Variants in MED13L observed in about 807,000 individuals in gnomAD.
MED13L encodes mediator complex subunit 13L.
MED13L carries 7 observed loss-of-function variants against 220.9 expected under a neutral mutation model. The observed-to-expected ratio is 0.03, with a 90% CI of 0.02 to 0.06. MED13L has a LOEUF of 0.06. Among genes scored for constraint, MED13L ranks in the 10% least tolerant of loss-of-function variants. The pLI is 1.00. For missense variants in MED13L, 1,965 were observed against 2,760.5 expected (o/e 0.71, Z 6.46); for synonymous variants, 1,011 against 1,015.2 (o/e 1.00, Z 0.08).
chr12:115,970,964 T>C (rs542529077), intron 26 of MED13L, among the ~76,000 whole-genome samples, 194 bp from the exon 27 acceptor site: 1 of 152,314 alleles, frequency 6.6e-6, no homozygotes, highest in African/African-American at 2.4e-5. Context: ...TAACCCAAGT[T>C]TCATTTCATA....
intron 2 of MED13L, among the ~76,000 whole-genome samples, chr12:116,234,428 C>T (rs1032941817): frequency 4.6e-5 from 7 of 151,976 alleles, no homozygotes; most frequent in African/African-American, 1.7e-4. Context: ...GGGGGTTTCA[C>T]TATGTTGGCC....
chr12:116,117,385 T>C (rs1445374602), intron 2 of MED13L, among the ~76,000 whole-genome samples: 1 of 152,146 alleles, frequency 6.6e-6, no homozygotes, highest in East Asian at 1.9e-4. Flanking sequence ...CATACATTTG[T>C]GCAAACGCGC....
At chr12:116,171,684 T>A (rs1173357754) in intron 2 of MED13L, among the ~76,000 whole-genome samples, 1 of 152,168 alleles carries the variant, frequency 6.6e-6, no homozygotes, top group Non-Finnish European at 1.5e-5. Flanking sequence ...ACTGAAACCA[T>A]TAATTTTCCT....
intron 2 of MED13L, among the ~76,000 whole-genome samples, chr12:116,153,185 A>G (rs564793701): frequency 6.6e-6 from 1 of 152,330 alleles, no homozygotes; most frequent in African/African-American, 2.4e-5. Context: ...TACTATCCAC[A>G]TTAGTGCTGG....
chr12:115,981,454 G>A (rs1434449469), intron 22 of MED13L, among the ~76,000 whole-genome samples: 1 of 152,094 alleles, frequency 6.6e-6, no homozygotes, highest in Non-Finnish European at 1.5e-5. Flanking sequence ...CCAAACATCC[G>A]AAGCATTGTT....
chr12:116,218,898 TA>T (rs944874433), intron 2 of MED13L, among the ~76,000 whole-genome samples: 9 of 152,108 alleles, frequency 5.9e-5, no homozygotes, highest in African/African-American at 2.2e-4. Context: ...CACACCTGGC[TA>T]ATTTTTTTTG....
chr12:115,972,150 C>G lies in MED13L; in HGVS notation c.5818G>C (p.Ala1940Pro). Residue 1940 changes from alanine (A) to proline (P), a missense_variant, in exon 26 of 31, where the codon GCA becomes CCA. By Grantham distance (27) the Ala-to-Pro change is conservative (BLOSUM62 -1). Around this residue, in one of 10 missense-constraint regions of MED13L, gnomAD observed 23 missense variants for 20.4 expected, o/e 1.12. Coordinates refer to ENST00000281928, the MANE Select transcript of MED13L (RefSeq NM_015335.5). ...GCACTAAGGATAGAAGGAGAGTCTG[C>G]GGCAGAGATTCCACACATCCGGCAC... ...DVCRMCGISA[A>P]DSPSILSACL... 6.2e-7 allele frequency: 1 copy of G among 1,613,960 alleles called. No individual in the cohort carries two copies. Among genetic ancestry groups the G allele is most frequent in the Non-Finnish European group, 8.5e-7 (1 of 1,179,902 alleles).
At chr12:116,133,483 T>C (rs1876259527) in intron 2 of MED13L, among the ~76,000 whole-genome samples, 1 of 152,184 alleles carries the variant, frequency 6.6e-6, no homozygotes, top group South Asian at 2.1e-4. Context: ...CAGAAGCTGG[T>C]CTTAACGGGC....
intron 2 of MED13L, among the ~76,000 whole-genome samples, chr12:116,150,825 C>T (rs61935822): frequency 0.064 from 9,671 of 152,250 alleles, 401 homozygotes; most frequent in Middle Eastern, 0.11. Flanking sequence ...TATGGTACTT[C>T]AGGGGTGTGT....
At chr12:116,148,072 AAAG>A (rs1206870409) in intron 2 of MED13L, among the ~76,000 whole-genome samples, 10 of 129,666 alleles carry the variant, frequency 7.7e-5, no homozygotes, top group African/African-American at 2.8e-4. Flanking sequence ...AAAAAAAAAA[AAAG>A]AGGGGGGCGG....
At chr12:115,972,046 G>A (rs781643803) in intron 26 of MED13L, 32 bp downstream of exon 26, 8 of 1,610,358 alleles carry the variant, frequency 5.0e-6, no homozygotes, top group Non-Finnish European at 6.8e-6. Flanking sequence ...GATGTGATAT[G>A]TAATTAATGA....
intron 2 of MED13L, among the ~76,000 whole-genome samples, chr12:116,170,724 C>T (rs1879622742): frequency 1.3e-5 from 2 of 151,702 alleles, no homozygotes; most frequent in African/African-American, 4.8e-5. Flanking sequence ...CCTAAGCCTC[C>T]TGAGTAGCTG....
intron 1 of MED13L, among the ~76,000 whole-genome samples, chr12:116,263,231 C>A (rs922811166): frequency 6.6e-6 from 1 of 151,770 alleles, no homozygotes; most frequent in African/African-American, 2.4e-5. Context: ...TACATCACAA[C>A]GCTTTCTGAC....
rs1455021385 is a variant in MED13L at position 116,031,743 on chromosome 12, AAGAAAAGAAAAGAAAAGAAG to A, written c.480-9162_480-9143del. Among the ~76,000 whole-genome samples the A allele has an allele frequency of 3.2e-4, 17 of 53,520 alleles. 1 individual carries two copies. The highest frequency in any genetic ancestry group is 1.9e-3 in the African/African-American group (14 of 7,434). The allele number at this position is 53,520 out of a possible 152,430, so 35.1% of individuals were successfully genotyped here. A position where few individuals can be genotyped will look rare whatever the true frequency, so the allele number is the denominator to read the frequency against. On this transcript the variant is annotated intron_variant, in intron 4 of 30. Coordinates refer to ENST00000281928, the MANE Select transcript of MED13L (RefSeq NM_015335.5). The stretch of plus-strand genomic sequence containing the variant: ...AAGAAAAGAAAAGAAAAGAAAAGAA[AAGAAAAGAAAAGAAAAGAAG>A]GAAGGAAGGAAGGAAGGAAGGAAGG...
rs765954704 is a variant in MED13L, at chr12:115,991,697, G to A, written c.3257C>T (p.Pro1086Leu). Reference sequence around the variant, plus strand: ...AGAGTTGAGGGGCCGTGTAGTAGAGGGGGTGGAGGCTGGTGATCCTTGATC... The same window carrying A: ...AGAGTTGAGGGGCCGTGTAGTAGAGAGGGTGGAGGCTGGTGATCCTTGATC... ...STDQGSPAST[P>L]STTRPLNSVE... Residue 1086 changes from proline to leucine, a missense_variant, in exon 17 of 31, where the codon CCC (proline) becomes CTC (leucine). By Grantham distance (98) the Pro-to-Leu change is moderately conservative. This residue lies in a region of MED13L where 233 missense variants were observed against 306.2 expected (regional missense o/e 0.76). Coordinates refer to ENST00000281928, the MANE Select transcript of MED13L (RefSeq NM_015335.5). This position sits in a 1 kb window ranked among gnomAD's most constrained non-coding sequence, Gnocchi z 7.7. 1.2e-6 allele frequency: 2 copies of A among 1,613,938 alleles called. No homozygotes were observed.
At chr12:116,195,561 C>G (rs1032407869) in intron 2 of MED13L, among the ~76,000 whole-genome samples, 2 of 152,064 alleles carry the variant, frequency 1.3e-5, no homozygotes, top group Non-Finnish European at 1.5e-5. Context: ...AAGCGATTCT[C>G]CTGCCTCAGC....
At position 116,239,479 on chromosome 12, in the gene MED13L, T is replaced by C. The variant is rs554111638; in HGVS notation, c.73-1774A>G. Among the ~76,000 whole-genome samples, 10 of 152,340 alleles carry C rather than the reference T, an allele frequency of 6.6e-5. No homozygotes were observed. In the East Asian group the frequency reaches 1.7e-3, roughly 26 times the overall value. On this transcript the variant is annotated intron_variant, in intron 1 of 30. Coordinates refer to ENST00000281928, the MANE Select transcript of MED13L (RefSeq NM_015335.5). The stretch of plus-strand genomic sequence containing the variant: ...TTGGAACCATATTGCATGATTTATA[T>C]TTTTCACTTATTTTTATATATTACT...
At chr12:116,152,213 C>T (rs758897623) in intron 2 of MED13L, among the ~76,000 whole-genome samples, 1 of 152,060 alleles carries the variant, frequency 6.6e-6, no homozygotes, top group Non-Finnish European at 1.5e-5. Flanking sequence ...TAAATGCCTG[C>T]CAAATCAAAG....
rs768357877 is a variant in MED13L at position 116,096,870 on chromosome 12, T to C, written c.396-118A>G. On this transcript the variant is annotated intron_variant, in intron 3 of 30. Coordinates refer to ENST00000281928, the MANE Select transcript of MED13L (RefSeq NM_015335.5). ...AATAAAAACACCACCAATTAAACTA[T>C]CAAAATGTTTTATCACTTAAAATTT... is the stretch of plus-strand genomic sequence containing the variant. 7.6e-5 allele frequency: 57 copies of C among 752,476 alleles called. 1 individual carries two copies. Among genetic ancestry groups the C allele is most frequent in the Non-Finnish European group, 5.7e-5 (25 of 435,734 alleles). The allele number at this position is 752,476 out of a possible 1,614,324, so 46.6% of individuals were successfully genotyped here. A position where few individuals can be genotyped will look rare whatever the true frequency, so the allele number is the denominator to read the frequency against.
Sources: allele counts gnomAD v4.1 joint callset (sites outside exome capture counted in the v4.1 genomes callset), GRCh38; gene constraint gnomAD v4.1.1; regional missense constraint gnomAD v4.1.1; non-coding constraint Gnocchi (gnomAD v3.1); transcripts MANE v1.5; gene names NCBI Gene and HGNC (gene_info 2026-07-23, HGNC 2026-07-21).